The following JAKMIP3 variants were observed in gnomAD, a reference collection of about 807,000 sequenced individuals.
JAKMIP3 encodes the protein janus kinase and microtubule-interacting protein 3.
A neutral mutation model predicts 118.5 loss-of-function variants in JAKMIP3; 58 were observed. That is an observed-to-expected ratio of 0.49 (90% CI 0.40 to 0.61). JAKMIP3 has a LOEUF of 0.61. Among genes scored for constraint, JAKMIP3 ranks in the 20% least tolerant of loss-of-function variants. The pLI is 0.00. For missense variants in JAKMIP3, 950 were observed against 1,109.0 expected, an observed-to-expected ratio of 0.86 and a Z score of 2.04; for synonymous variants, 486 against 451.2, an observed-to-expected ratio of 1.08 and a Z score of -0.98.
intron 1 of JAKMIP3, among the ~76,000 whole-genome samples, chr10:132,038,663 G>A (rs1289993089): frequency 2.0e-5 from 3 of 151,948 alleles, no homozygotes; most frequent in African/African-American, 7.3e-5. Context: ...TGGGCATGGT[G>A]TGCCTGTAAT....
intron 2 of JAKMIP3, among the ~76,000 whole-genome samples, chr10:132,106,274 G>GCTA (rs2045888501): frequency 6.6e-6 from 1 of 152,030 alleles, no homozygotes; most frequent in Non-Finnish European, 1.5e-5. Flanking sequence ...GGAGGTTGAG[G>GCTA]CTACAGTAAG....
In JAKMIP3 at chr10:132,180,782, T is replaced by TGCGTGTGTGTGC. The variant is rs2061302457; in HGVS notation, c.*1104-1572_*1104-1571insTGTGTGTGCGCG. 8.2e-5 allele frequency among the ~76,000 whole-genome samples: 5 copies of TGCGTGTGTGTGC among 60,626 alleles called. 1 individual carries two copies. The South Asian group carries it at 1.5e-3, about 18-fold the overall frequency. The allele number at this position is 60,626 out of a possible 152,430, so 39.8% of individuals were successfully genotyped here. A position where few individuals can be genotyped will look rare whatever the true frequency, so the allele number is the denominator to read the frequency against. On this transcript the variant is annotated intron_variant, in intron 23 of 23. Coordinates refer to ENST00000684848, the MANE Select transcript of JAKMIP3 (RefSeq NM_001323087.2). Reference sequence around the variant, plus strand: ...GTGCGTGTGTGTGCGTGTGTGTGTGTGCGCGTATGCATGTGCTGTGAGTGG... The same window carrying TGCGTGTGTGTGC: ...GTGCGTGTGTGTGCGTGTGTGTGTGTGCGTGTGTGTGCGCGCGTATGCATGTGCTGTGAGTGG...
intron 1 of JAKMIP3, among the ~76,000 whole-genome samples, chr10:132,091,532 T>G (rs1048824230): frequency 2.0e-5 from 3 of 152,136 alleles, no homozygotes; most frequent in Non-Finnish European, 4.4e-5. Flanking sequence ...TGTAATGGTC[T>G]TCTTTGTCTC....
At chr10:132,163,555 C>T (rs939051645) in intron 20 of JAKMIP3, 143 bp downstream of exon 20, 3 of 709,442 alleles carry the variant, frequency 4.2e-6, no homozygotes, top group African/African-American at 3.5e-5. Context: ...TCATAACACA[C>T]ACTCTGATGG....
chr10:132,125,440 G>C (rs1052934867), intron 3 of JAKMIP3, among the ~76,000 whole-genome samples: 1 of 152,272 alleles, frequency 6.6e-6, no homozygotes, highest in Non-Finnish European at 1.5e-5. Flanking sequence ...GCTCCGCCTT[G>C]CGGCGTTAGT....
At position 132,117,077 on chromosome 10, in the gene JAKMIP3, G is replaced by A. The variant is rs1208301366; in HGVS notation, c.136G>A (p.Val46Ile). The A allele has an allele frequency of 1.2e-6, 2 of 1,604,060 alleles. No homozygotes were observed. Among genetic ancestry groups the A allele is most frequent in the East Asian group, 2.2e-5 (1 of 44,642 alleles). Residue 46 changes from valine (V) to isoleucine (I), a missense_variant and splice_region_variant, in exon 3 of 24, where the codon GTC becomes ATC. Val to Ile is a conservative substitution (Grantham distance 29). Coordinates refer to ENST00000684848, the MANE Select transcript of JAKMIP3 (RefSeq NM_001323087.2). This position sits in a 1 kb window ranked among gnomAD's most constrained non-coding sequence, Gnocchi z 8.6. ...ACTCAGTCTCGCTGTTGTCTTTCAG[G>A]TCAGCAAAGTGGAACGCGAGAAGAA... is the stretch of plus-strand genomic sequence containing the variant. ...QIELQQEKSK[V>I]SKVEREKNQE...
In JAKMIP3 at chr10:132,098,955, G is replaced by C. The variant is rs139747787; in HGVS notation, c.-137-5717G>C. On this transcript the variant is annotated intron_variant, in intron 1 of 23. Coordinates refer to ENST00000684848, the MANE Select transcript of JAKMIP3 (RefSeq NM_001323087.2). Reference sequence around the variant, plus strand: ...TGGGACCCGAACCTTGGACTTCTCTGTAGGTAAACAATTTAGCCCAGAAAG... The same window carrying C: ...TGGGACCCGAACCTTGGACTTCTCTCTAGGTAAACAATTTAGCCCAGAAAG... 3.3e-4 allele frequency among the ~76,000 whole-genome samples: 50 copies of C among 152,318 alleles called. 1 individual carries two copies. Among genetic ancestry groups the C allele is most frequent in the East Asian group, 2.5e-3 (13 of 5,184 alleles).
intron 23 of JAKMIP3, among the ~76,000 whole-genome samples, chr10:132,181,707 G>A: frequency 6.6e-6 from 1 of 152,210 alleles, no homozygotes; most frequent in African/African-American, 2.4e-5. Context: ...TTCTTACTTA[G>A]AAGTTAGGTT....
intron 2 of JAKMIP3, among the ~76,000 whole-genome samples, chr10:132,108,877 A>G (rs986827084): frequency 1.4e-5 from 2 of 137,990 alleles, no homozygotes; most frequent in Non-Finnish European, 3.1e-5. Flanking sequence ...TAAATTATAT[A>G]CACAAATGTA....
intron 2 of JAKMIP3, among the ~76,000 whole-genome samples, chr10:132,106,825 A>T (rs2045983246): frequency 6.6e-6 from 1 of 152,228 alleles, no homozygotes. Context: ...GGAAGAAGAG[A>T]TGACTTGTCA....
intron 14 of JAKMIP3, among the ~76,000 whole-genome samples, chr10:132,148,277 G>A (rs1287379386): frequency 6.6e-6 from 1 of 152,160 alleles, no homozygotes; most frequent in Non-Finnish European, 1.5e-5. Context: ...TGTCAGGCAG[G>A]GACCACCTCT....
intron 1 of JAKMIP3, among the ~76,000 whole-genome samples, chr10:132,097,958 T>TCCTTC (rs1564893010): frequency 1.9e-5 from 1 of 51,904 alleles, no homozygotes; most frequent in African/African-American, 6.2e-5. Context: ...CCATCCCCTT[T>TCCTTC]CCCTTTCCTT....
At position 132,092,621 on chromosome 10, in the gene JAKMIP3, G is replaced by T. The variant is rs555454069; in HGVS notation, c.-137-12051G>T. On this transcript the variant is annotated intron_variant, in intron 1 of 23. Transcript: ENST00000684848. ...GTGCCATGTTTTTCAGCTCCATCAGGTCATTTAAGGACTTCTCTACATTGG... is the reference window on the plus strand; with the variant it reads ...GTGCCATGTTTTTCAGCTCCATCAGTTCATTTAAGGACTTCTCTACATTGG... Among the ~76,000 whole-genome samples, 4 of 152,198 alleles carry T rather than the reference G, an allele frequency of 2.6e-5. No homozygotes were observed. The South Asian group carries it at 8.3e-4, about 32-fold the overall frequency.
At chr10:132,082,174 G>A (rs990497366) in intron 1 of JAKMIP3, among the ~76,000 whole-genome samples, 1 of 149,516 alleles carries the variant, frequency 6.7e-6, no homozygotes, top group Admixed American at 6.7e-5. Context: ...TTGTTTGGGG[G>A]GGGGGGCTGA....
chr10:132,154,490 G>T (rs11146217), intron 19 of JAKMIP3, among the ~76,000 whole-genome samples: 85,259 of 152,068 alleles, frequency 0.56, 24,305 homozygotes, highest in Admixed American at 0.66. Context: ...TGGGTTCCCC[G>T]CTGGGAGCTA....
intron 1 of JAKMIP3, among the ~76,000 whole-genome samples, chr10:132,047,678 T>C (rs1202597085): frequency 1.2e-3 from 53 of 42,886 alleles, no homozygotes; most frequent in Admixed American, 2.0e-3. Context: ...GTCCCCACCC[T>C]CCCGTCCCGC....
rs183685432 is a variant in JAKMIP3, at chr10:132,051,020, T to C, written c.-138+14282T>C. On this transcript the variant is annotated intron_variant, in intron 1 of 23. Coordinates refer to the JAKMIP3 transcript ENST00000657785. The stretch of plus-strand genomic sequence containing the variant: ...TGGTGGGTGGGTACCTGCCTGTCTT[T>C]CCTGGCATGGTTGGTCTTGTTAATT... Among the ~76,000 whole-genome samples, 6 of 151,796 alleles carry C rather than the reference T, an allele frequency of 4.0e-5. No individual in the cohort carries two copies. The East Asian group carries it at 1.2e-3, about 29-fold the overall frequency.
intron 23 of JAKMIP3, among the ~76,000 whole-genome samples, chr10:132,180,722 T>C (rs28419756): frequency 0.022 from 487 of 21,854 alleles, 94 homozygotes; most frequent in East Asian, 0.073. Context: ...TGTGTGTGCG[T>C]GTGTGTGCGT....
chr10:132,168,449 G>C lies in JAKMIP3; in HGVS notation c.*519G>C. 7 of 1,263,292 alleles carry C rather than the reference G, an allele frequency of 5.5e-6. No individual in the cohort carries two copies. Among genetic ancestry groups the C allele is most frequent in the Non-Finnish European group, 7.2e-6 (7 of 967,060 alleles). 78.3% of individuals were successfully genotyped at this position (1,263,292 alleles called of 1,614,324 possible). A position where few individuals can be genotyped will look rare whatever the true frequency, so the allele number is the denominator to read the frequency against. On this transcript the variant is annotated 3_prime_UTR_variant, in exon 23 of 24. Transcript: ENST00000684848. ...ATTCAGGGGAACCTGGAGGCTCCCT[G>C]GGATGGTCCTGGGAGGGCTCCCCGA... is the stretch of plus-strand genomic sequence containing the variant.
Sources: allele counts gnomAD v4.1 joint callset (sites outside exome capture counted in the v4.1 genomes callset), GRCh38; gene constraint gnomAD v4.1.1; non-coding constraint Gnocchi (gnomAD v3.1); transcripts MANE v1.5; gene names NCBI Gene and HGNC (gene_info 2026-07-23, HGNC 2026-07-21).